SSH2: variants seen among roughly 807,000 people sequenced by gnomAD.
SSH2 encodes slingshot protein phosphatase 2.
A neutral mutation model predicts 135.2 loss-of-function variants in SSH2; 37 were observed. That is an observed-to-expected ratio of 0.27 (90% CI 0.21 to 0.36). SSH2 has a LOEUF of 0.36. Among genes scored for constraint, SSH2 ranks in the 10% least tolerant of loss-of-function variants. The probability of loss-of-function intolerance (pLI) is 1.00; values close to 1 mark genes in which losing one functional copy is unlikely to be tolerated. For synonymous variants in SSH2, 628 were observed against 646.2 expected, an observed-to-expected ratio of 0.97 and a Z score of 0.43; for missense variants, 1,408 against 1,765.3, an observed-to-expected ratio of 0.80 and a Z score of 3.63.
chr17:29,926,107 C>T (rs2067059647), intron 1 of SSH2, among the ~76,000 whole-genome samples: 1 of 152,126 alleles, frequency 6.6e-6, no homozygotes, highest in African/African-American at 2.4e-5. Context: ...CTGTCTCTTT[C>T]TTTCCTTTAC....
Position 29,688,936 on chromosome 17 carries a change from G to A in SSH2, c.358-4252C>T, listed in dbSNP as rs563638625. ...TTTGGGAGGCTGAGGCAGGTGGATC[G>A]CTTGAGGTCAGGAGTTCGAGATCAG... On this transcript the variant is annotated intron_variant, in intron 5 of 15. Transcript: ENST00000540801. 6.6e-5 allele frequency among the ~76,000 whole-genome samples: 10 copies of A among 152,222 alleles called. No individual in the cohort carries two copies. In the South Asian group the frequency reaches 2.1e-3, roughly 32 times the overall value.
At chr17:29,914,558 GA>G (rs1228741515) in intron 1 of SSH2, among the ~76,000 whole-genome samples, 369 of 78,046 alleles carry the variant, frequency 4.7e-3, no homozygotes, top group African/African-American at 0.012. Context: ...GACCCTGTCT[GA>G]AAAAAAAAAA....
chr17:29,887,723 A>G (rs1235302522), intron 1 of SSH2, among the ~76,000 whole-genome samples: 1 of 152,234 alleles, frequency 6.6e-6, no homozygotes, highest in African/African-American at 2.4e-5. Flanking sequence ...CCTGGTCATC[A>G]TAGTAGAGGG....
intron 2 of SSH2, among the ~76,000 whole-genome samples, chr17:29,804,022 C>T (rs2042297170): frequency 6.6e-6 from 1 of 152,142 alleles, no homozygotes; most frequent in Non-Finnish European, 1.5e-5. Flanking sequence ...CAGTAGTTCC[C>T]ATATAATCTG....
intron 3 of SSH2, among the ~76,000 whole-genome samples, chr17:29,758,030 G>C (rs2041185987): frequency 6.6e-6 from 1 of 152,002 alleles, no homozygotes; most frequent in Admixed American, 6.6e-5. Context: ...CTGAGTGACA[G>C]AGCAAGGGCC....
chr17:29,654,876 T>C (rs2036719305), intron 12 of SSH2, among the ~76,000 whole-genome samples: 1 of 152,206 alleles, frequency 6.6e-6, no homozygotes, highest in Admixed American at 6.5e-5. Flanking sequence ...TTAATTTATC[T>C]GTGGATCCCC....
In SSH2 at chr17:29,666,754, C is replaced by A. The variant is rs2037296217; in HGVS notation, c.1032+113G>T. ...AGGTTTGAGTACTTATCACTTTTGTCTTTAAAGTAAGTTACATTTTATTTA... is the reference window on the plus strand; with the variant it reads ...AGGTTTGAGTACTTATCACTTTTGTATTTAAAGTAAGTTACATTTTATTTA... On this transcript the variant is annotated intron_variant, in intron 11 of 15. Coordinates refer to ENST00000540801, the MANE Select transcript of SSH2 (RefSeq NM_001282129.2). 2.9e-6 allele frequency: 3 copies of A among 1,036,568 alleles called. No individual in the cohort carries two copies. In the South Asian group the frequency reaches 5.1e-5, roughly 18 times the overall value. The allele number at this position is 1,036,568 out of a possible 1,614,324, so 64.2% of individuals were successfully genotyped here.
In SSH2 at chr17:29,761,887, A is replaced by ATTTTTTT. The variant is rs1157073718; in HGVS notation, c.188+32000_188+32006dup. On this transcript the variant is annotated intron_variant, in intron 3 of 15. Coordinates refer to ENST00000540801, the MANE Select transcript of SSH2 (RefSeq NM_001282129.2). Reference sequence around the variant, plus strand: ...TGTGTGTGTGTATATATATATATATATTTTTTTTTGAGATGGAGTTTCTGC... The same window carrying ATTTTTTT: ...TGTGTGTGTGTATATATATATATATATTTTTTTTTTTTTTTTGAGATGGAGTTTCTGC... 1.4e-3 allele frequency among the ~76,000 whole-genome samples: 205 copies of ATTTTTTT among 143,610 alleles called. 2 individuals carry two copies. The highest frequency in any genetic ancestry group is 2.1e-3 in the Non-Finnish European group (138 of 66,712). The allele number at this position is 143,610 out of a possible 152,430, so 94.2% of individuals were successfully genotyped here.
chr17:29,867,583 T>G (rs2065874572), intron 1 of SSH2, among the ~76,000 whole-genome samples: 1 of 152,174 alleles, frequency 6.6e-6, no homozygotes, highest in South Asian at 2.1e-4. Flanking sequence ...AAGGCAGATA[T>G]TTTAGAGAAA....
intron 3 of SSH2, among the ~76,000 whole-genome samples, chr17:29,757,500 C>T (rs1450820950): frequency 2.0e-5 from 3 of 151,938 alleles, no homozygotes; most frequent in African/African-American, 4.8e-5. Flanking sequence ...TGATGATAAG[C>T]TGTGCAGCAC....
At chr17:29,928,111 A>G (rs539976154) in intron 1 of SSH2, among the ~76,000 whole-genome samples, 1 of 152,350 alleles carries the variant, frequency 6.6e-6, no homozygotes, top group East Asian at 1.9e-4. Context: ...AAATGTTACT[A>G]TAGTACTGAT....
At chr17:29,658,098 G>A (rs2036867842) in intron 11 of SSH2, among the ~76,000 whole-genome samples, 1 of 151,224 alleles carries the variant, frequency 6.6e-6, no homozygotes, top group South Asian at 2.1e-4. Flanking sequence ...CTGCCTCCTG[G>A]GTTCAACTGA....
At position 29,631,578 on chromosome 17, in the gene SSH2, A is replaced by G; in HGVS notation, c.3616T>C (p.Ser1206Pro). The G allele has an allele frequency of 3.7e-6, 6 of 1,614,122 alleles. No individual in the cohort carries two copies. The highest frequency in any genetic ancestry group is 5.1e-6 in the Non-Finnish European group (6 of 1,180,024). ...SSGSEVPYKD[S>P]QLSSADLSLI... ...CTTAGGTCTGCGCTACTTAGCTGGGAGTCCTTATATGGCACCTCACTGCCA... is the reference window on the plus strand; with the variant it reads ...CTTAGGTCTGCGCTACTTAGCTGGGGGTCCTTATATGGCACCTCACTGCCA... Residue 1206 changes from serine to proline, a missense_variant, in exon 16 of 16, where the codon TCC becomes CCC. Physicochemically the swap from Ser to Pro is moderately conservative, Grantham distance 74. Transcript: ENST00000540801.
At chr17:29,863,024 C>T (rs1465412178) in intron 1 of SSH2, among the ~76,000 whole-genome samples, 4 of 152,012 alleles carry the variant, frequency 2.6e-5, no homozygotes, top group African/African-American at 9.7e-5. Flanking sequence ...TGTTTTTATA[C>T]AGCCAGCAAG....
chr17:29,789,664 G>T (rs2042031776), intron 3 of SSH2, among the ~76,000 whole-genome samples: 1 of 152,194 alleles, frequency 6.6e-6, no homozygotes, highest in African/African-American at 2.4e-5. Flanking sequence ...CAGGGCTCTT[G>T]CAGAGAGCCC....
chr17:29,692,702 T>C (rs187784203), intron 5 of SSH2, among the ~76,000 whole-genome samples: 1 of 152,332 alleles, frequency 6.6e-6, no homozygotes, highest in East Asian at 1.9e-4. Flanking sequence ...ACACAAATGT[T>C]GAAAGCTATC....
At chr17:29,774,057 A>G (rs1216879590) in intron 3 of SSH2, among the ~76,000 whole-genome samples, 2 of 152,282 alleles carry the variant, frequency 1.3e-5, no homozygotes, top group Non-Finnish European at 2.9e-5. Context: ...GAGCATATAC[A>G]TACAGGTTTC....
At chr17:29,750,462 T>A (rs995917679) in intron 3 of SSH2, among the ~76,000 whole-genome samples, 13 of 151,554 alleles carry the variant, frequency 8.6e-5, no homozygotes, top group South Asian at 4.2e-4. Flanking sequence ...AATTTTTTTT[T>A]AAATAAATAA....
In SSH2 at chr17:29,634,599, C is replaced by T. The variant is rs543566114; in HGVS notation, c.2262+1369G>A. Among the ~76,000 whole-genome samples, 8 of 152,310 alleles carry T rather than the reference C, an allele frequency of 5.3e-5. No homozygotes were observed. In the South Asian group the frequency reaches 1.0e-3, roughly 20 times the overall value. ...GACGGAGTCTCGCTCTGTTGCCAGG[C>T]TGGAGTGCAGTGGCATGATCTCAGC... is the stretch of plus-strand genomic sequence containing the variant. On this transcript the variant is annotated intron_variant, in intron 15 of 15. Transcript: ENST00000540801.
Sources: gnomAD v4.1 joint callset for allele counts (sites outside exome capture counted in the v4.1 genomes callset) on GRCh38, gnomAD v4.1.1 for gene constraint, MANE v1.5 for transcripts, NCBI Gene and HGNC (gene_info 2026-07-23, HGNC 2026-07-21) for gene names.